Variants in PRUNE2 observed in about 807,000 individuals in gnomAD.
PRUNE2 encodes prune homolog 2 with BCH domain.
PRUNE2 carries 164 observed loss-of-function variants against 252.0 expected under a neutral mutation model. The ratio of observed to expected loss-of-function variants is 0.65; its 90% CI spans 0.57 to 0.74. PRUNE2 has a LOEUF of 0.74. Among genes scored for constraint, PRUNE2 ranks in the 30% least tolerant of loss-of-function variants. The probability of loss-of-function intolerance (pLI) is 0.00; values close to 1 mark genes in which losing one functional copy is unlikely to be tolerated. For missense variants in PRUNE2, 3,495 were observed against 3,711.0 expected, an observed-to-expected ratio of 0.94 and a Z score of 1.51; for synonymous variants, 1,292 against 1,350.2, an observed-to-expected ratio of 0.96 and a Z score of 0.94.
chr9:76,703,446 A>T lies in PRUNE2; in HGVS notation c.8167T>A (p.Trp2723Arg), dbSNP rs772166778. The T allele has an allele frequency of 6.2e-7, 1 of 1,613,406 alleles. No individual in the cohort carries two copies. Among genetic ancestry groups the T allele is most frequent in the Non-Finnish European group, 8.5e-7 (1 of 1,179,698 alleles). ...ACAGGCTGTGGTGAAAGCATTTCCC[A>T]TTCATTGTCATGGGTGACAGCCTGC... Reference protein sequence around the residue: ...TLQAVTHDNEWEMLSPQPVQK... With the variant: ...TLQAVTHDNEREMLSPQPVQK... The change falls in exon 9 of 19, where the codon TGG becomes AGG. Residue 2723 changes from tryptophan to arginine, a missense_variant. Coordinates refer to ENST00000376718, the MANE Select transcript of PRUNE2 (RefSeq NM_015225.3).
chr9:76,741,852 C>G (rs1273958186), intron 6 of PRUNE2, among the ~76,000 whole-genome samples: 1 of 152,190 alleles, frequency 6.6e-6, no homozygotes, highest in African/African-American at 2.4e-5. Context: ...CTTTCTCTAC[C>G]TACAGCTGTC....
chr9:76,769,968 A>G (rs1004705230), intron 6 of PRUNE2, among the ~76,000 whole-genome samples: 5 of 152,218 alleles, frequency 3.3e-5, no homozygotes, highest in African/African-American at 1.2e-4. Flanking sequence ...TATTATAAAG[A>G]TTAACTAGAC....
At chr9:76,899,104 G>C (rs1343201398) in intron 1 of PRUNE2, among the ~76,000 whole-genome samples, 1 of 152,176 alleles carries the variant, frequency 6.6e-6, no homozygotes, top group Non-Finnish European at 1.5e-5. Flanking sequence ...ACTGGTCAAG[G>C]GGCAGCAAGA....
Position 76,708,654 on chromosome 9 carries a change from A to G in PRUNE2, c.3620T>C (p.Leu1207Ser), listed in dbSNP as rs777607399. The G allele has an allele frequency of 6.2e-7, 1 of 1,613,952 alleles. No individual in the cohort carries two copies. Among genetic ancestry groups the G allele is most frequent in the Non-Finnish European group, 8.5e-7 (1 of 1,179,890 alleles). The change falls in exon 8 of 19, where the codon TTG (leucine) becomes TCG (serine). Residue 1207 changes from leucine (L) to serine (S), a missense_variant. Transcript: ENST00000376718. ...KDSAPSEHHT[L>S]NEKSGQLIAN... ...AATTAGCTGCCCACTTTTCTCATTC[A>G]ATGTGTGATGTTCACTGGGAGCACT...
chr9:76,623,431 A>G (rs1294031514), intron 17 of PRUNE2, among the ~76,000 whole-genome samples: 4 of 151,988 alleles, frequency 2.6e-5, no homozygotes, highest in Admixed American at 6.6e-5. Flanking sequence ...AGTAGCTCGG[A>G]CTATAGGCGT....
chr9:76,797,656 T>C (rs1564327195), intron 6 of PRUNE2, among the ~76,000 whole-genome samples: 3 of 152,252 alleles, frequency 2.0e-5, no homozygotes, highest in South Asian at 4.1e-4. Flanking sequence ...GTCTTTTTCA[T>C]AGATCTTGAA....
intron 16 of PRUNE2, among the ~76,000 whole-genome samples, chr9:76,625,676 A>G (rs888995566): frequency 6.6e-6 from 1 of 152,212 alleles, no homozygotes; most frequent in Non-Finnish European, 1.5e-5. Context: ...AATACAAAGT[A>G]CTTTTTGGGT....
chr9:76,688,450 G>C (rs2044343389), intron 9 of PRUNE2, among the ~76,000 whole-genome samples: 1 of 152,140 alleles, frequency 6.6e-6, no homozygotes, highest in African/African-American at 2.4e-5. Flanking sequence ...ACTCACCAAG[G>C]CTGCAGGTTC....
chr9:76,766,887 G>T (rs906023076), intron 6 of PRUNE2, among the ~76,000 whole-genome samples: 2 of 152,034 alleles, frequency 1.3e-5, no homozygotes, highest in South Asian at 4.1e-4. Context: ...TCATACACAG[G>T]CATACACATA....
Position 76,612,763 on chromosome 9 carries a change from A to AAGGACGGG in PRUNE2, c.*1799_*1806dup, listed in dbSNP as rs1827842994. The AAGGACGGG allele has an allele frequency of 6.6e-6, 1 of 152,384 alleles. No homozygotes were observed. The highest frequency in any genetic ancestry group is 2.4e-5 in the African/African-American group (1 of 41,434). The allele number at this position is 152,384 out of a possible 1,614,324, so 9.4% of individuals were successfully genotyped here. The stretch of plus-strand genomic sequence containing the variant: ...ACTGCGTGTGTGTGGGCACGTGCGG[A>AAGGACGGG]AGGACGGGAGGAGACAGAGGTGAAG... On this transcript the variant is annotated 3_prime_UTR_variant, in exon 19 of 19. Transcript: ENST00000376718.
chr9:76,753,718 T>A (rs2050837448), intron 6 of PRUNE2, among the ~76,000 whole-genome samples: 6 of 151,904 alleles, frequency 3.9e-5, no homozygotes, highest in Non-Finnish European at 7.4e-5. Flanking sequence ...ATCGTGACCA[T>A]CCTGGCTAAC....
At chr9:76,862,745 A>G (rs1191299067) in intron 1 of PRUNE2, 2 of 152,346 alleles carry the variant, frequency 1.3e-5, no homozygotes, top group African/African-American at 4.8e-5. Context: ...GTTAATTACT[A>G]TATTAAATGT....
intron 6 of PRUNE2, among the ~76,000 whole-genome samples, chr9:76,767,745 C>T (rs2052576131): frequency 6.6e-6 from 1 of 152,148 alleles, no homozygotes; most frequent in East Asian, 1.9e-4. Context: ...TGAATCCAGC[C>T]TGCCCAGCAC....
intron 6 of PRUNE2, among the ~76,000 whole-genome samples, chr9:76,800,441 A>C (rs1237945965): frequency 6.6e-6 from 1 of 152,210 alleles, no homozygotes; most frequent in Non-Finnish European, 1.5e-5. Context: ...ATTTATTTGG[A>C]AACAGCAAAG....
At chr9:76,813,423 TG>T (rs1230991614) in intron 6 of PRUNE2, among the ~76,000 whole-genome samples, 1 of 152,170 alleles carries the variant, frequency 6.6e-6, no homozygotes, top group Non-Finnish European at 1.5e-5. Context: ...GAGAAAGTCA[TG>T]GAGAAAAACT....
rs1369243580 is a variant in PRUNE2, at chr9:76,782,300, A to G, written c.756+41332T>C. Among the ~76,000 whole-genome samples the G allele has an allele frequency of 2.0e-5, 3 of 152,350 alleles. No individual in the cohort carries two copies. In the East Asian group the frequency reaches 5.8e-4, roughly 29 times the overall value. ...GAAGTGACACAACTCTCAGAAAGGG[A>G]AAGAATGAATGAATGAAAGAATGTG... On this transcript the variant is annotated intron_variant, in intron 6 of 18. Coordinates refer to ENST00000376718, the MANE Select transcript of PRUNE2 (RefSeq NM_015225.3).
At chr9:76,820,800 G>A (rs1261810592) in intron 6 of PRUNE2, among the ~76,000 whole-genome samples, 1 of 152,148 alleles carries the variant, frequency 6.6e-6, no homozygotes, top group African/African-American at 2.4e-5. Flanking sequence ...CTGGTTGGGA[G>A]AGGAAAAAGT....
intron 6 of PRUNE2, among the ~76,000 whole-genome samples, chr9:76,742,272 TAAAC>T (rs2049696777): frequency 6.6e-6 from 1 of 152,102 alleles, no homozygotes. Flanking sequence ...GTACTTATGA[TAAAC>T]AAATATTAAT....
intron 1 of PRUNE2, among the ~76,000 whole-genome samples, chr9:76,876,392 T>A (rs1228699135): frequency 1.3e-5 from 2 of 152,196 alleles, no homozygotes; most frequent in East Asian, 3.9e-4. Flanking sequence ...CTGCTCACAA[T>A]ACTGACCCTT....
Sources: allele counts gnomAD v4.1 joint callset (sites outside exome capture counted in the v4.1 genomes callset), GRCh38; gene constraint gnomAD v4.1.1; transcripts MANE v1.5; gene names NCBI Gene and HGNC (gene_info 2026-07-23, HGNC 2026-07-21).